Variants in DPF3 observed in about 807,000 individuals in gnomAD.
DPF3 encodes zinc finger protein DPF3.
DPF3 carries 18 observed loss-of-function variants against 56.8 expected under a neutral mutation model. The ratio of observed to expected loss-of-function variants is 0.32; its 90% CI spans 0.22 to 0.47. DPF3 has a LOEUF of 0.47. DPF3 is among the 20% of genes least tolerant of loss of function. The pLI is 1.00. For synonymous variants in DPF3, 188 were observed against 180.2 expected, an observed-to-expected ratio of 1.04 and a Z score of -0.35; for missense variants, 403 against 488.8, an observed-to-expected ratio of 0.82 and a Z score of 1.65.
intron 1 of DPF3, chr14:72,805,920 GCTCT>G (rs1452439349): frequency 5.3e-5 from 8 of 152,076 alleles, no homozygotes; most frequent in East Asian, 1.9e-4. Flanking sequence ...GTTTCTGAGG[GCTCT>G]CTCTAATGGG....
At chr14:72,717,250 C>G (rs1888971210) in intron 5 of DPF3, among the ~76,000 whole-genome samples, 1 of 152,240 alleles carries the variant, frequency 6.6e-6, no homozygotes, top group Admixed American at 6.5e-5. Flanking sequence ...CGCTTAAAGT[C>G]AGATAGACAC....
intron 6 of DPF3, among the ~76,000 whole-genome samples, chr14:72,697,131 G>C (rs766695049): frequency 6.6e-6 from 1 of 152,190 alleles, no homozygotes; most frequent in African/African-American, 2.4e-5. Context: ...TCTTCATGAA[G>C]AGCCCTCTGG....
At chr14:72,793,900 C>T (rs1892539099) in intron 1 of DPF3, among the ~76,000 whole-genome samples, 1 of 152,238 alleles carries the variant, frequency 6.6e-6, no homozygotes, top group South Asian at 2.1e-4. Flanking sequence ...GGCCACCCTC[C>T]AGCCCACCTT....
intron 1 of DPF3, among the ~76,000 whole-genome samples, chr14:72,776,902 C>T (rs1891764598): frequency 6.6e-6 from 1 of 152,116 alleles, no homozygotes. Context: ...TGCTGCCCTC[C>T]CTCTCCCTAG....
chr14:72,722,787 G>C (rs139758319), intron 5 of DPF3, among the ~76,000 whole-genome samples: 2 of 152,180 alleles, frequency 1.3e-5, no homozygotes, highest in Admixed American at 1.3e-4. Context: ...AAGCCCCTTC[G>C]GGCGTGAACT....
intron 5 of DPF3, among the ~76,000 whole-genome samples, chr14:72,715,008 G>C (rs1888851398): frequency 6.6e-6 from 1 of 152,218 alleles, no homozygotes; most frequent in African/African-American, 2.4e-5. Context: ...CTAGGCTTCT[G>C]TGTCCATCCC....
intron 1 of DPF3, among the ~76,000 whole-genome samples, chr14:72,777,375 A>T (rs2139955679): frequency 6.6e-6 from 1 of 152,322 alleles, no homozygotes; most frequent in African/African-American, 2.4e-5. Context: ...GGTGCGGGAA[A>T]GTTTTTATTT....
At chr14:72,670,933 T>C in intron 8 of DPF3, 17 of 1,296,442 alleles carry the variant, frequency 1.3e-5, no homozygotes, top group Non-Finnish European at 1.7e-5. Context: ...TTTGTTTCAG[T>C]AGTTTGTGCT....
intron 1 of DPF3, among the ~76,000 whole-genome samples, chr14:72,803,343 G>A (rs1892962243): frequency 6.6e-6 from 1 of 152,190 alleles, no homozygotes; most frequent in African/African-American, 2.4e-5. Context: ...GCTGCTTATG[G>A]CTGGAGTCAA....
At chr14:72,731,140 C>T (rs1459931737) in intron 4 of DPF3, among the ~76,000 whole-genome samples, 1 of 152,038 alleles carries the variant, frequency 6.6e-6, no homozygotes, top group African/African-American at 2.4e-5. Context: ...CCACTGCACT[C>T]CAGCCTGGGT....
chr14:72,630,862 A>G (rs1047028262), intron 8 of DPF3, among the ~76,000 whole-genome samples: 2 of 152,186 alleles, frequency 1.3e-5, no homozygotes, highest in Admixed American at 1.3e-4. Flanking sequence ...TTGAAGGATT[A>G]TATGCTTTAA....
chr14:72,866,139 T>C (rs1885652222), intron 1 of DPF3, among the ~76,000 whole-genome samples: 1 of 152,166 alleles, frequency 6.6e-6, no homozygotes. Flanking sequence ...TGCCGGCTTG[T>C]TGATTTGATG....
intron 2 of DPF3, 53 bp from the exon 3 acceptor site, chr14:72,753,424 G>A: frequency 7.0e-7 from 1 of 1,429,142 alleles, no homozygotes; most frequent in Non-Finnish European, 9.5e-7. Flanking sequence ...AAGGGGCCTT[G>A]GAAACTACCC....
intron 2 of DPF3, among the ~76,000 whole-genome samples, chr14:72,757,083 A>AAGGAAGGG (rs1170540312): frequency 3.6e-5 from 4 of 112,014 alleles, no homozygotes; most frequent in East Asian, 3.3e-4. Flanking sequence ...GGAAGGAAGG[A>AAGGAAGGG]AGGAAGGGAG....
At chr14:72,874,971 G>A (rs760049746) in intron 1 of DPF3, among the ~76,000 whole-genome samples, 6 of 152,214 alleles carry the variant, frequency 3.9e-5, no homozygotes, top group Non-Finnish European at 5.9e-5. Context: ...ACAGTTCCAC[G>A]TGGCTGGGGA....
intron 1 of DPF3, chr14:72,836,215 C>A: frequency 1.0e-6 from 1 of 985,636 alleles, no homozygotes. Flanking sequence ...GCACGGTGTT[C>A]TGCAGATCAT....
chr14:72,639,033 G>A (rs113716952), intron 8 of DPF3, among the ~76,000 whole-genome samples: 54,941 of 151,832 alleles, frequency 0.36, 10,257 homozygotes, highest in East Asian at 0.66. Flanking sequence ...TAGCCAGGAT[G>A]GTCTCGATCT....
At chr14:72,676,719 T>C (rs867169787) in intron 7 of DPF3, among the ~76,000 whole-genome samples, 1 of 152,220 alleles carries the variant, frequency 6.6e-6, no homozygotes, top group Admixed American at 6.5e-5. Context: ...CCATGTAAGA[T>C]GTGCCTTTGC....
At chr14:72,800,669 A>C (rs1292916766) in intron 1 of DPF3, among the ~76,000 whole-genome samples, 1 of 148,208 alleles carries the variant, frequency 6.7e-6, no homozygotes, top group Non-Finnish European at 1.5e-5. Flanking sequence ...TGCATGGATG[A>C]ACGGATGCAT....
Sources: gnomAD v4.1 joint callset for allele counts (sites outside exome capture counted in the v4.1 genomes callset) on GRCh38, gnomAD v4.1.1 for gene constraint, MANE v1.5 for transcripts, NCBI Gene and HGNC (gene_info 2026-07-23, HGNC 2026-07-21) for gene names.